Variants in ADAM23 observed in about 807,000 individuals in gnomAD.
ADAM23 encodes ADAM metallopeptidase domain 23, also known as disintegrin and metalloproteinase domain-containing protein 23.
A neutral mutation model predicts 120.1 loss-of-function variants in ADAM23; 33 were observed. The observed-to-expected ratio is 0.27, with a 90% CI of 0.21 to 0.37. The LOEUF (loss-of-function observed/expected upper bound fraction) is 0.37, where lower values mean the gene tolerates loss of function less well. ADAM23 is among the 10% of genes least tolerant of loss of function. ADAM23 has a pLI of 1.00. For missense variants in ADAM23, 862 were observed against 1,058.2 expected (o/e 0.81, Z 2.57); for synonymous variants, 367 against 375.2 (o/e 0.98, Z 0.25).
chr2:206,604,219 T>C lies in ADAM23; in HGVS notation c.2360-5691T>C, dbSNP rs1253740477. Among the ~76,000 whole-genome samples the C allele has an allele frequency of 2.6e-5, 4 of 151,824 alleles. No homozygotes were observed. In the East Asian group the frequency reaches 7.7e-4, roughly 29 times the overall value. ...AGGCAGAGGTTGCAGTGAGCTGAGA[T>C]CATGCCACTGCACTCCAGCCTGGGC... is the stretch of plus-strand genomic sequence containing the variant. On this transcript the variant is annotated intron_variant, in intron 24 of 25. Coordinates refer to ENST00000264377, the MANE Select transcript of ADAM23 (RefSeq NM_003812.4).
At chr2:206,492,939 TTG>T (rs1696163246) in intron 3 of ADAM23, among the ~76,000 whole-genome samples, 1 of 152,220 alleles carries the variant, frequency 6.6e-6, no homozygotes, top group Non-Finnish European at 1.5e-5. Flanking sequence ...TTTATATCAT[TTG>T]TGTCTTAACC....
Position 206,609,939 on chromosome 2 carries a change from T to A in ADAM23, c.2389T>A (p.Ser797Thr). Residue 797 changes from serine (S) to threonine (T), a missense_variant, in exon 25 of 26, where the codon TCC becomes ACC. By Grantham distance (58) the Ser-to-Thr change is moderately conservative. This residue lies in a region of ADAM23 where 617 missense variants were observed against 813.5 expected (regional missense o/e 0.76). Transcript: ENST00000264377. The part of the protein sequence containing the change: ...GPSATNLIIG[S>T]IAGAILVAAI... Reference sequence around the variant, plus strand: ...TAGTGCCACCAATCTCATAATAGGCTCCATCGCTGGTGCCATCCTGGTAGC... The same window carrying A: ...TAGTGCCACCAATCTCATAATAGGCACCATCGCTGGTGCCATCCTGGTAGC... The A allele has an allele frequency of 6.2e-7, 1 of 1,601,164 alleles. No homozygotes were observed. Among genetic ancestry groups the A allele is most frequent in the East Asian group, 2.3e-5 (1 of 43,440 alleles).
intron 2 of ADAM23, among the ~76,000 whole-genome samples, chr2:206,451,568 AT>A (rs1204148626): frequency 1.3e-5 from 2 of 152,214 alleles, no homozygotes; most frequent in African/African-American, 2.4e-5. Context: ...CAATTTTTAA[AT>A]ATCCTACTTA....
At chr2:206,584,586 T>A (rs1574549194) in intron 18 of ADAM23, among the ~76,000 whole-genome samples, 1 of 151,256 alleles carries the variant, frequency 6.6e-6, no homozygotes, top group Non-Finnish European at 1.5e-5. Flanking sequence ...CTCACCCCCA[T>A]CCCCCACAGC....
rs781234766 is a variant in ADAM23, at chr2:206,561,228, T to TA, written c.1254+17dup. The TA allele has an allele frequency of 1.2e-6, 2 of 1,604,280 alleles. No individual in the cohort carries two copies. Among genetic ancestry groups the TA allele is most frequent in the African/African-American group, 2.7e-5 (2 of 74,740 alleles). ...TGTGAATGAGGTAAATTTTACCAAT[T>TA]AGAGTTTCATCTTTGCATCTGTTCT... On this transcript the variant is annotated intron_variant, in intron 12 of 25. Coordinates refer to ENST00000264377, the MANE Select transcript of ADAM23 (RefSeq NM_003812.4).
chr2:206,578,352 C>T (rs891693100), intron 18 of ADAM23, among the ~76,000 whole-genome samples: 1 of 151,888 alleles, frequency 6.6e-6, no homozygotes, highest in African/African-American at 2.4e-5. Flanking sequence ...CCTCACCCCC[C>T]TCCCCAATTC....
intron 23 of ADAM23, among the ~76,000 whole-genome samples, chr2:206,595,466 A>G (rs1698505798): frequency 1.4e-5 from 2 of 145,218 alleles, no homozygotes; most frequent in Non-Finnish European, 1.5e-5. Context: ...AGGGTTACCA[A>G]GGACTAGGGG....
intron 8 of ADAM23, among the ~76,000 whole-genome samples, chr2:206,549,630 A>G (rs1407928091): frequency 1.3e-5 from 2 of 152,014 alleles, no homozygotes; most frequent in African/African-American, 4.8e-5. Flanking sequence ...ATTTAACTAC[A>G]TTGATATCTG....
At chr2:206,528,742 A>T (rs1460904018) in intron 3 of ADAM23, among the ~76,000 whole-genome samples, 2 of 152,342 alleles carry the variant, frequency 1.3e-5, no homozygotes, top group East Asian at 3.9e-4. Context: ...AAATTATAGA[A>T]AATCAGAATA....
chr2:206,510,356 A>G (rs1696598782), intron 3 of ADAM23, among the ~76,000 whole-genome samples: 1 of 152,240 alleles, frequency 6.6e-6, no homozygotes, highest in Admixed American at 6.5e-5. Context: ...CTTTGTATGG[A>G]GTCGTTTAAA....
At chr2:206,482,981 G>A (rs1245485459) in intron 3 of ADAM23, among the ~76,000 whole-genome samples, 1 of 152,134 alleles carries the variant, frequency 6.6e-6, no homozygotes. Context: ...AGATTGAGAC[G>A]AGGAAGATGA....
chr2:206,598,418 C>CA (rs1222134735), intron 24 of ADAM23, among the ~76,000 whole-genome samples: 52 of 152,166 alleles, frequency 3.4e-4, no homozygotes, highest in African/African-American at 1.2e-3. Context: ...TAAAGAAAGT[C>CA]ACATTCTAGA....
At position 206,450,309 on chromosome 2, in the gene ADAM23, G is replaced by A. The variant is rs1695166557; in HGVS notation, c.432+4785G>A. ...AAGCCTAGACTTTATCTAAAGAGCT[G>A]CCTTTATCTAAACAGCCTTCCCAAG... On this transcript the variant is annotated intron_variant, in intron 2 of 25. Transcript: ENST00000264377. Among the ~76,000 whole-genome samples the A allele has an allele frequency of 2.0e-5, 3 of 152,276 alleles. No homozygotes were observed. The South Asian group carries it at 6.2e-4, about 32-fold the overall frequency.
At chr2:206,445,886 A>G (rs151000880) in intron 2 of ADAM23, among the ~76,000 whole-genome samples, 1,704 of 152,320 alleles carry the variant, frequency 0.011, 16 homozygotes, top group Non-Finnish European at 0.018. Flanking sequence ...ACTGTCTCCC[A>G]TGATATAAAA....
intron 4 of ADAM23, among the ~76,000 whole-genome samples, chr2:206,537,039 G>T (rs1697190980): frequency 1.3e-5 from 2 of 152,020 alleles, no homozygotes; most frequent in Admixed American, 6.6e-5. Context: ...CAAAAAAGCA[G>T]AAAAAATATT....
intron 9 of ADAM23, among the ~76,000 whole-genome samples, chr2:206,550,852 C>T (rs777949403): frequency 1.1e-4 from 16 of 152,320 alleles, no homozygotes; most frequent in African/African-American, 3.6e-4. Context: ...CCGCCTGCCT[C>T]GGCCTCCCAA....
At chr2:206,545,564 CAA>C (rs765587904) in intron 6 of ADAM23, among the ~76,000 whole-genome samples, 6 of 152,078 alleles carry the variant, frequency 3.9e-5, no homozygotes, top group Non-Finnish European at 8.8e-5. Flanking sequence ...GCTGAACAGA[CAA>C]ACTTTTATTG....
intron 23 of ADAM23, 34 bp downstream of exon 23, chr2:206,594,939 C>T (rs983673991): frequency 6.2e-7 from 1 of 1,606,810 alleles, no homozygotes; most frequent in East Asian, 2.2e-5. Flanking sequence ...CTGGAACCTT[C>T]ATGGTCTGGC....
At chr2:206,589,653 A>C (rs1050824259) in intron 21 of ADAM23, 139 bp downstream of exon 21, 19 of 595,238 alleles carry the variant, frequency 3.2e-5, no homozygotes, top group Non-Finnish European at 3.6e-5. Context: ...TATTTTTAAT[A>C]GGTATTATTA....
Sources: gnomAD v4.1 joint callset for allele counts (sites outside exome capture counted in the v4.1 genomes callset) on GRCh38, gnomAD v4.1.1 for gene constraint, gnomAD v4.1.1 regional missense constraint, MANE v1.5 for transcripts, NCBI Gene and HGNC (gene_info 2026-07-23, HGNC 2026-07-21) for gene names.